COL25A1: variants seen among roughly 807,000 people sequenced by gnomAD.
COL25A1 encodes the protein collagen alpha-1(XXV) chain.
COL25A1 carries 103 observed loss-of-function variants against 128.4 expected under a neutral mutation model. That is an observed-to-expected ratio of 0.80 (90% confidence interval 0.68 to 0.94). The LOEUF (loss-of-function observed/expected upper bound fraction) is 0.94, where lower values mean the gene tolerates loss of function less well. Ranked by LOEUF, COL25A1 falls within the 40% of genes least tolerant of loss-of-function variation. COL25A1 has a pLI of 0.00. For missense variants in COL25A1, 745 were observed against 840.0 expected (o/e 0.89, Z 1.40); for synonymous variants, 279 against 277.2 (o/e 1.01, Z -0.06).
chr4:109,144,427 C>A (rs1560765064), intron 3 of COL25A1, among the ~76,000 whole-genome samples: 1 of 152,216 alleles, frequency 6.6e-6, no homozygotes, highest in African/African-American at 2.4e-5. Flanking sequence ...AAGCACTGTG[C>A]TGGGAGATCT....
chr4:109,007,958 T>G (rs149581336), intron 6 of COL25A1, among the ~76,000 whole-genome samples: 32 of 152,344 alleles, frequency 2.1e-4, no homozygotes, highest in Middle Eastern at 3.4e-3. Flanking sequence ...GTGTTTCTTT[T>G]TACAGTTACT....
Position 108,889,232 on chromosome 4 carries a change from G to T in COL25A1, c.964C>A (p.Pro322Thr). The change falls in exon 18 of 38, where the codon CCA becomes ACA. Residue 322 changes from proline (P) to threonine (T), a missense_variant. By Grantham distance (38) the Pro-to-Thr change is conservative. Coordinates refer to ENST00000399132, the MANE Select transcript of COL25A1 (RefSeq NM_198721.4). Reference sequence around the variant, plus strand: ...GATAGAGATATTACCTTTTGCCCTGGACGACCAGATTCCCCAGGTTCTCCC... The same window carrying T: ...GATAGAGATATTACCTTTTGCCCTGTACGACCAGATTCCCCAGGTTCTCCC... ...IKGEPGESGRPGQKGEPGLPG... is the reference protein window; with the variant it reads ...IKGEPGESGRTGQKGEPGLPG... 1 of 1,613,576 alleles carries T rather than the reference G, an allele frequency of 6.2e-7. No homozygotes were observed. The highest frequency in any genetic ancestry group is 8.5e-7 in the Non-Finnish European group (1 of 1,179,596).
chr4:108,832,954 G>A (rs1733320695), intron 31 of COL25A1, among the ~76,000 whole-genome samples: 1 of 13,688 alleles, frequency 7.3e-5, no homozygotes, highest in East Asian at 2.1e-3. Context: ...GCAACAGAGC[G>A]AGACTCCGTC....
intron 37 of COL25A1, among the ~76,000 whole-genome samples, chr4:108,815,945 G>A (rs1355954919): frequency 2.0e-5 from 3 of 152,152 alleles, no homozygotes; most frequent in Non-Finnish European, 4.4e-5. Flanking sequence ...TATGTGAAGT[G>A]TGCTAATGGC....
At chr4:109,108,737 A>G (rs1013034670) in intron 3 of COL25A1, among the ~76,000 whole-genome samples, 2 of 151,678 alleles carry the variant, frequency 1.3e-5, no homozygotes, top group Non-Finnish European at 2.9e-5. Context: ...AAAAAAATAA[A>G]TTAAAATGGT....
At chr4:108,920,192 A>C (rs949895779) in intron 12 of COL25A1, among the ~76,000 whole-genome samples, 1 of 152,226 alleles carries the variant, frequency 6.6e-6, no homozygotes, top group Non-Finnish European at 1.5e-5. Context: ...TGAACCCAGC[A>C]ATATCCTTTT....
At chr4:108,912,988 A>T (rs186850480) in intron 13 of COL25A1, among the ~76,000 whole-genome samples, 2 of 152,272 alleles carry the variant, frequency 1.3e-5, no homozygotes, top group Non-Finnish European at 2.9e-5. Flanking sequence ...ATCAATTTTT[A>T]AATTTATGTT....
intron 6 of COL25A1, among the ~76,000 whole-genome samples, chr4:109,004,498 C>T (rs906877911): frequency 6.6e-6 from 1 of 151,756 alleles, no homozygotes; most frequent in East Asian, 1.9e-4. Context: ...TGGATATTTG[C>T]CCCCGCCCAA....
At chr4:109,002,078 A>G (rs1755482344) in intron 6 of COL25A1, among the ~76,000 whole-genome samples, 1 of 152,212 alleles carries the variant, frequency 6.6e-6, no homozygotes, top group African/African-American at 2.4e-5. Flanking sequence ...GTAAGGATGT[A>G]GAGCAAAGGG....
At chr4:109,063,502 C>CA (rs34484812) in intron 3 of COL25A1, among the ~76,000 whole-genome samples, 24,260 of 107,584 alleles carry the variant, frequency 0.23, 2,887 homozygotes, top group East Asian at 0.43. Flanking sequence ...GACTCCAACT[C>CA]AAAAAAAAAA....
intron 3 of COL25A1, among the ~76,000 whole-genome samples, chr4:109,120,781 A>G (rs893139582): frequency 3.3e-5 from 5 of 151,784 alleles, no homozygotes; most frequent in Non-Finnish European, 7.4e-5. Context: ...GTCCTCCAGC[A>G]TGGGCAACAG....
chr4:108,921,370 T>C (rs1488649588), intron 11 of COL25A1, among the ~76,000 whole-genome samples: 1 of 148,912 alleles, frequency 6.7e-6, no homozygotes, highest in East Asian at 2.0e-4. Flanking sequence ...TTTGAGACAG[T>C]GGAAAATAAC....
At chr4:108,923,340 A>G (rs542510887) in intron 11 of COL25A1, among the ~76,000 whole-genome samples, 2 of 151,570 alleles carry the variant, frequency 1.3e-5, no homozygotes, top group South Asian at 4.2e-4. Context: ...AATTTATCAA[A>G]TCTTTATTTT....
chr4:109,276,074 T>C (rs1722805863), intron 3 of COL25A1, among the ~76,000 whole-genome samples: 1 of 152,200 alleles, frequency 6.6e-6, no homozygotes, highest in African/African-American at 2.4e-5. Context: ...TTAATTATCA[T>C]TACATGTTCT....
chr4:108,821,911 A>G (rs1731809228), intron 35 of COL25A1, among the ~76,000 whole-genome samples: 1 of 152,160 alleles, frequency 6.6e-6, no homozygotes, highest in South Asian at 2.1e-4. Context: ...CTAATCATGG[A>G]AGCTGAACAT....
At chr4:108,938,100 T>C (rs1747654455) in intron 10 of COL25A1, among the ~76,000 whole-genome samples, 1 of 152,214 alleles carries the variant, frequency 6.6e-6, no homozygotes, top group Non-Finnish European at 1.5e-5. Context: ...GGTGTCTTTA[T>C]GAGAACTCAG....
At position 108,824,330 on chromosome 4, in the gene COL25A1, A is replaced by G. The variant is rs1188459416; in HGVS notation, c.1792-103T>C. On this transcript the variant is annotated intron_variant, in intron 34 of 37. Transcript: ENST00000399132. ...TTTTACATTTCTGAGCTTAAATATAACAAGAAATGGCTCACCAGTGTTAAG... is the reference window on the plus strand; with the variant it reads ...TTTTACATTTCTGAGCTTAAATATAGCAAGAAATGGCTCACCAGTGTTAAG... 9 of 797,794 alleles carry G rather than the reference A, an allele frequency of 1.1e-5. No homozygotes were observed. In the Admixed American group the frequency reaches 1.3e-4, roughly 11 times the overall value. The allele number at this position is 797,794 out of a possible 1,614,324, so 49.4% of individuals were successfully genotyped here.
At chr4:109,015,959 T>C (rs1757168743) in intron 5 of COL25A1, among the ~76,000 whole-genome samples, 2 of 152,216 alleles carry the variant, frequency 1.3e-5, no homozygotes, top group East Asian at 3.8e-4. Flanking sequence ...GCCAGGGCTG[T>C]ATGCTCCATG....
intron 3 of COL25A1, among the ~76,000 whole-genome samples, chr4:109,205,583 AGGATCCTG>A (rs1484856886): frequency 6.6e-6 from 1 of 152,166 alleles, no homozygotes; most frequent in African/African-American, 2.4e-5. Flanking sequence ...AGAAGACATT[AGGATCCTG>A]GGTTCCTGAT....
Sources: allele counts gnomAD v4.1 joint callset (sites outside exome capture counted in the v4.1 genomes callset), GRCh38; gene constraint gnomAD v4.1.1; transcripts MANE v1.5; gene names NCBI Gene and HGNC (gene_info 2026-07-23, HGNC 2026-07-21).